The following DGKB variants were observed in gnomAD, a reference collection of about 807,000 sequenced individuals.
DGKB encodes the protein 90 kDa diacylglycerol kinase.
Under a neutral mutation model 114.3 loss-of-function variants are expected in DGKB, and 67 were observed. That is an observed-to-expected ratio of 0.59 (90% CI 0.48 to 0.72). The LOEUF is 0.72. DGKB is among the 30% of genes least tolerant of loss of function. DGKB has a pLI of 0.00. For missense variants in DGKB, 907 were observed against 975.2 expected, an observed-to-expected ratio of 0.93 and a Z score of 0.93; for synonymous variants, 398 against 323.1, an observed-to-expected ratio of 1.23 and a Z score of -2.49.
At chr7:14,458,818 T>A (rs961081071) in intron 21 of DGKB, among the ~76,000 whole-genome samples, 6 of 152,138 alleles carry the variant, frequency 3.9e-5, no homozygotes, top group Admixed American at 2.6e-4. Context: ...TTTGTTTTCA[T>A]ACCCTGGTGG....
intron 20 of DGKB, among the ~76,000 whole-genome samples, chr7:14,521,416 A>C (rs576907854): frequency 1.3e-5 from 2 of 152,112 alleles, no homozygotes; most frequent in East Asian, 3.9e-4. Flanking sequence ...AGATCACTTG[A>C]TATTTATCTT....
At chr7:14,408,215 GTGAT>G (rs1243509917) in intron 21 of DGKB, among the ~76,000 whole-genome samples, 1 of 152,202 alleles carries the variant, frequency 6.6e-6, no homozygotes, top group African/African-American at 2.4e-5. Context: ...CAGAGTAAGT[GTGAT>G]TGATTGGGAT....
intron 23 of DGKB, among the ~76,000 whole-genome samples, chr7:14,314,379 T>G (rs1585081975): frequency 6.6e-6 from 1 of 150,500 alleles, no homozygotes; most frequent in Non-Finnish European, 1.5e-5. Context: ...AGTTGAAAAC[T>G]TTGAAAAAAA....
chr7:14,912,287 C>T (rs1587366672), intron 1 of DGKB, among the ~76,000 whole-genome samples: 1 of 152,104 alleles, frequency 6.6e-6, no homozygotes, highest in African/African-American at 2.4e-5. Flanking sequence ...AAGCCCAGTC[C>T]TATAGTGGTT....
chr7:14,613,157 C>A (rs75520820), intron 16 of DGKB, among the ~76,000 whole-genome samples, 183 bp downstream of exon 16: 1 of 151,882 alleles, frequency 6.6e-6, no homozygotes, highest in Non-Finnish European at 1.5e-5. Context: ...TTACAAAAGG[C>A]CATTGTATTA....
intron 21 of DGKB, among the ~76,000 whole-genome samples, chr7:14,419,309 A>G (rs1235664183): frequency 1.3e-5 from 2 of 152,008 alleles, no homozygotes; most frequent in African/African-American, 4.8e-5. Context: ...GAAACTATAA[A>G]TAAAGCTATG....
intron 13 of DGKB, among the ~76,000 whole-genome samples, chr7:14,636,887 T>G (rs931252711): frequency 6.6e-6 from 1 of 151,908 alleles, no homozygotes; most frequent in East Asian, 1.9e-4. Flanking sequence ...GCTCAAGTTA[T>G]TACAGTAGCA....
chr7:14,191,677 G>T (rs1784338122), intron 23 of DGKB: 2 of 320,164 alleles, frequency 6.2e-6, no homozygotes, highest in Admixed American at 7.4e-5. Context: ...AAACTCTTCT[G>T]GGGGACAAAG....
chr7:14,508,347 G>A (rs558054800), intron 20 of DGKB, among the ~76,000 whole-genome samples: 206 of 152,162 alleles, frequency 1.4e-3, no homozygotes, highest in African/African-American at 4.7e-3. Flanking sequence ...ATCTGTGAAC[G>A]CATAAAATGA....
At chr7:14,773,107 T>C (rs1445052353) in intron 2 of DGKB, among the ~76,000 whole-genome samples, 4 of 152,192 alleles carry the variant, frequency 2.6e-5, no homozygotes, top group Admixed American at 2.6e-4. Flanking sequence ...GTAATTTGTA[T>C]CTAATACTTT....
At chr7:14,377,603 C>A (rs1818704949) in intron 21 of DGKB, among the ~76,000 whole-genome samples, 1 of 152,142 alleles carries the variant, frequency 6.6e-6, no homozygotes, top group South Asian at 2.1e-4. Flanking sequence ...ATACTGTGTA[C>A]TTGTAACTTG....
intron 1 of DGKB, among the ~76,000 whole-genome samples, chr7:14,896,962 G>C (rs536535639): frequency 2.0e-5 from 3 of 151,766 alleles, no homozygotes; most frequent in East Asian, 1.9e-4. Context: ...CTAAAAGAAA[G>C]TGTATTATAA....
chr7:14,356,282 T>C (rs1009641112), intron 21 of DGKB, among the ~76,000 whole-genome samples: 1 of 151,778 alleles, frequency 6.6e-6, no homozygotes, highest in Admixed American at 6.6e-5. Flanking sequence ...CTCCTTCAGT[T>C]CTGCCCTGAT....
intron 20 of DGKB, among the ~76,000 whole-genome samples, chr7:14,509,837 G>A (rs9639203): frequency 0.42 from 64,161 of 152,014 alleles, 14,486 homozygotes; most frequent in East Asian, 0.73. Flanking sequence ...AAATCCAGTA[G>A]GAAAGTGAGT....
At chr7:14,588,568 C>T (rs115729542) in intron 17 of DGKB, among the ~76,000 whole-genome samples, 195 of 152,164 alleles carry the variant, frequency 1.3e-3, no homozygotes, top group African/African-American at 4.4e-3. Flanking sequence ...TCCTGGCCTC[C>T]GGCCCTCCCT....
At chr7:14,404,142 C>G (rs1823572728) in intron 21 of DGKB, among the ~76,000 whole-genome samples, 1 of 150,710 alleles carries the variant, frequency 6.6e-6, no homozygotes, top group Non-Finnish European at 1.5e-5. Context: ...GGTTGGATAT[C>G]TACTTTCTTC....
chr7:14,703,290 C>A (rs1050087971), intron 6 of DGKB, among the ~76,000 whole-genome samples: 3 of 152,150 alleles, frequency 2.0e-5, no homozygotes, highest in Non-Finnish European at 4.4e-5. Context: ...GAGTAAATGA[C>A]TGCAAAATGA....
chr7:14,581,096 A>G (rs1378046410), intron 18 of DGKB, 145 bp from the exon 19 acceptor site: 5 of 485,842 alleles, frequency 1.0e-5, no homozygotes, highest in Non-Finnish European at 1.8e-5. Context: ...AGATATACAC[A>G]ATAATGAATT....
At chr7:14,686,475 G>A (rs1821704465) in intron 9 of DGKB, among the ~76,000 whole-genome samples, 1 of 151,964 alleles carries the variant, frequency 6.6e-6, no homozygotes, top group African/African-American at 2.4e-5. Flanking sequence ...AACTTTCCAG[G>A]TTGTCCAAGT....
Sources: allele counts gnomAD v4.1 joint callset (sites outside exome capture counted in the v4.1 genomes callset), GRCh38; gene constraint gnomAD v4.1.1; transcripts MANE v1.5; gene names NCBI Gene and HGNC (gene_info 2026-07-23, HGNC 2026-07-21).